The following ARMH4 variants were observed in gnomAD, a reference collection of about 807,000 sequenced individuals.
The protein encoded by ARMH4 is armadillo like helical domain containing 4.
A neutral mutation model predicts 61.9 loss-of-function variants in ARMH4; 49 were observed. That is an observed-to-expected ratio of 0.79 (90% CI 0.63 to 1.00). ARMH4 has a LOEUF of 1.00. Among genes scored for constraint, ARMH4 ranks in the 50% least tolerant of loss-of-function variants. The pLI is 0.00. For missense variants in ARMH4, 934 were observed against 930.0 expected, an observed-to-expected ratio of 1.00 and a Z score of -0.06; for synonymous variants, 368 against 341.5, an observed-to-expected ratio of 1.08 and a Z score of -0.85.
intron 5 of ARMH4, among the ~76,000 whole-genome samples, chr14:58,061,912 T>C (rs1348426251): frequency 6.6e-6 from 1 of 151,966 alleles, no homozygotes; most frequent in Non-Finnish European, 1.5e-5. Context: ...CTGGGCCCTC[T>C]GCTTATGTTA....
chr14:58,144,876 A>C (rs1417845298), intron 1 of ARMH4, among the ~76,000 whole-genome samples: 2 of 152,162 alleles, frequency 1.3e-5, no homozygotes, highest in African/African-American at 4.8e-5. Flanking sequence ...TCAAAAAAAA[A>C]CAAACAAAAA....
intron 5 of ARMH4, among the ~76,000 whole-genome samples, chr14:58,075,025 A>T (rs1203443906): frequency 6.6e-6 from 1 of 152,190 alleles, no homozygotes; most frequent in Non-Finnish European, 1.5e-5. Context: ...GTCACTAGAG[A>T]AATGCAAATC....
intron 4 of ARMH4, among the ~76,000 whole-genome samples, chr14:58,118,780 C>T (rs1886620835): frequency 6.6e-6 from 1 of 152,084 alleles, no homozygotes; most frequent in Non-Finnish European, 1.5e-5. Flanking sequence ...TTTGTGTTCC[C>T]TTAGGTTTGA....
intron 4 of ARMH4, among the ~76,000 whole-genome samples, chr14:58,126,612 T>G (rs1421184208): frequency 6.6e-6 from 1 of 152,156 alleles, no homozygotes; most frequent in Non-Finnish European, 1.5e-5. Context: ...CTGCCCCATG[T>G]ATGGTGCCTG....
rs1236247959 is a variant in ARMH4, at chr14:58,005,069, G to C, written c.2235C>G (p.Gly745=). 6.2e-7 allele frequency: 1 copy of C among 1,613,946 alleles called. No homozygotes were observed. The highest frequency in any genetic ancestry group is 1.1e-5 in the South Asian group (1 of 91,080). The change falls in exon 7 of 8, where the codon GGC becomes GGG. Residue 745 remains glycine (G), a synonymous_variant. Coordinates refer to ENST00000267485, the MANE Select transcript of ARMH4 (RefSeq NM_001001872.4). ...ATACCTTTCTTTTATGCCTTTTGAA[G>C]CCATTTCTCCTTCGGCGATTCATAA... ...IKVMNRRRRN[G]FKRHKRKQRE...
intron 5 of ARMH4, among the ~76,000 whole-genome samples, chr14:58,058,246 C>T (rs779437598): frequency 1.1e-4 from 16 of 151,996 alleles, no homozygotes; most frequent in Non-Finnish European, 1.3e-4. Context: ...TAATACCTAA[C>T]GTAACATAAA....
intron 5 of ARMH4, among the ~76,000 whole-genome samples, chr14:58,043,470 T>C (rs1364836350): frequency 1.3e-5 from 2 of 152,160 alleles, no homozygotes; most frequent in Non-Finnish European, 2.9e-5. Context: ...TAATAAGAGC[T>C]ATTTATGACA....
At chr14:58,108,978 T>C (rs1886258753) in intron 4 of ARMH4, among the ~76,000 whole-genome samples, 1 of 152,200 alleles carries the variant, frequency 6.6e-6, no homozygotes, top group Non-Finnish European at 1.5e-5. Flanking sequence ...TGCCTACTCA[T>C]GTCTTTCACT....
intron 3 of ARMH4, among the ~76,000 whole-genome samples, chr14:58,132,174 T>C (rs1887132066): frequency 6.6e-6 from 1 of 152,172 alleles, no homozygotes; most frequent in Admixed American, 6.5e-5. Flanking sequence ...CAGCCAAATA[T>C]AGCCCCAGGA....
At chr14:58,078,533 G>GA (rs976169480) in intron 5 of ARMH4, among the ~76,000 whole-genome samples, 1 of 152,176 alleles carries the variant, frequency 6.6e-6, no homozygotes, top group Admixed American at 6.5e-5. Flanking sequence ...TCCTTGTTGG[G>GA]AAAAAATCCC....
At chr14:58,141,416 C>T in intron 1 of ARMH4, 1 of 537,078 alleles carries the variant, frequency 1.9e-6, no homozygotes. Context: ...CTGATATTTG[C>T]TGGGAAACGG....
chr14:58,130,303 G>A (rs892846974), intron 4 of ARMH4, among the ~76,000 whole-genome samples: 1 of 152,126 alleles, frequency 6.6e-6, no homozygotes, highest in African/African-American at 2.4e-5. Context: ...TCTCCACACT[G>A]CTCCTAAAAT....
intron 4 of ARMH4, among the ~76,000 whole-genome samples, chr14:58,110,486 A>G (rs1048151144): frequency 3.9e-5 from 6 of 152,176 alleles, no homozygotes; most frequent in Admixed American, 3.9e-4. Context: ...AAAATTTCCC[A>G]TTATATAATC....
At chr14:58,072,872 T>C (rs1404014649) in intron 5 of ARMH4, among the ~76,000 whole-genome samples, 1 of 152,172 alleles carries the variant, frequency 6.6e-6, no homozygotes, top group African/African-American at 2.4e-5. Context: ...TGTCACCCTG[T>C]CATCATGCAT....
At chr14:58,098,245 A>T (rs1392802218) in intron 4 of ARMH4, among the ~76,000 whole-genome samples, 4 of 150,820 alleles carry the variant, frequency 2.7e-5, no homozygotes, top group Non-Finnish European at 6.0e-5. Flanking sequence ...TTTAAAAAAA[A>T]TCACCTTTAA....
intron 5 of ARMH4, among the ~76,000 whole-genome samples, chr14:58,013,686 G>C (rs1882496113): frequency 1.3e-5 from 2 of 152,140 alleles, no homozygotes; most frequent in African/African-American, 4.8e-5. Flanking sequence ...TCAGGGAAAA[G>C]ATGAGGAAAC....
At chr14:58,062,230 A>G (rs1390999195) in intron 5 of ARMH4, among the ~76,000 whole-genome samples, 2 of 152,162 alleles carry the variant, frequency 1.3e-5, no homozygotes, top group African/African-American at 2.4e-5. Context: ...AGTCCCAGCT[A>G]CTTGGGAGGC....
At chr14:58,040,778 G>C (rs1883666978) in intron 5 of ARMH4, among the ~76,000 whole-genome samples, 4 of 152,028 alleles carry the variant, frequency 2.6e-5, no homozygotes, top group African/African-American at 9.7e-5. Context: ...GGTTCTATAG[G>C]ACCCTTAACA....
chr14:58,131,780 CAT>C, intron 3 of ARMH4, 59 bp from the exon 4 acceptor site: 1 of 1,499,034 alleles, frequency 6.7e-7, no homozygotes, highest in Non-Finnish European at 9.2e-7. Flanking sequence ...CAAATGTAAG[CAT>C]GTGCTTTCAC....
Sources: gnomAD v4.1 joint callset for allele counts (sites outside exome capture counted in the v4.1 genomes callset) on GRCh38, gnomAD v4.1.1 for gene constraint, MANE v1.5 for transcripts, NCBI Gene and HGNC (gene_info 2026-07-23, HGNC 2026-07-21) for gene names.